Variants in PPP1R37 observed in about 807,000 individuals in gnomAD.
PPP1R37 encodes leucine rich repeat containing 68.
Under a neutral mutation model 61.0 loss-of-function variants are expected in PPP1R37, and 21 were observed. That is an observed-to-expected ratio of 0.34 (90% CI 0.24 to 0.50). The LOEUF is 0.50. Ranked by LOEUF, PPP1R37 falls within the 20% of genes least tolerant of loss-of-function variation. The pLI is 0.98. For synonymous variants in PPP1R37, 443 were observed against 433.5 expected, an observed-to-expected ratio of 1.02 and a Z score of -0.27; for missense variants, 910 against 952.7, an observed-to-expected ratio of 0.96 and a Z score of 0.59.
chr19:45,110,170 C>T (rs971169014), intron 1 of PPP1R37, among the ~76,000 whole-genome samples: 2 of 148,872 alleles, frequency 1.3e-5, no homozygotes, highest in Admixed American at 1.3e-4. Context: ...GGTTGCAGTG[C>T]TGTGGCGTGG....
chr19:45,113,318 G>A (rs1047672461), intron 1 of PPP1R37, among the ~76,000 whole-genome samples: 1 of 152,256 alleles, frequency 6.6e-6, no homozygotes, highest in African/African-American at 2.4e-5. Flanking sequence ...ATTCGTAACA[G>A]GAATCATAAT....
rs1200613166 is a variant in PPP1R37 at position 45,121,366 on chromosome 19, C to T, written c.203-17148C>T. Among the ~76,000 whole-genome samples the T allele has an allele frequency of 1.3e-5, 2 of 152,260 alleles. No homozygotes were observed. The highest frequency in any genetic ancestry group is 4.8e-5 in the African/African-American group (2 of 41,468). ...CCATGGGAGGCAGTGCATGTGTCAG[C>T]CATGGCCCTCGGCTGTAAGCCCAGA... On this transcript the variant is annotated intron_variant, in intron 1 of 12. Transcript: ENST00000221462. This position sits in a 1 kb window ranked among gnomAD's most constrained non-coding sequence, Gnocchi z 4.2.
At chr19:45,093,994 GT>G (rs1415738787) in intron 1 of PPP1R37, among the ~76,000 whole-genome samples, 1 of 152,202 alleles carries the variant, frequency 6.6e-6, no homozygotes, top group Non-Finnish European at 1.5e-5. Flanking sequence ...GAGTGGTCGT[GT>G]TGGCCACTTT....
intron 4 of PPP1R37, 66 bp downstream of exon 4, chr19:45,140,672 G>A: frequency 1.6e-6 from 2 of 1,252,604 alleles, no homozygotes; most frequent in South Asian, 1.3e-5. Context: ...GTTTGGGTGG[G>A]GAGAGGACAC....
chr19:45,126,903 C>T (rs1968412171), intron 1 of PPP1R37, among the ~76,000 whole-genome samples: 1 of 152,232 alleles, frequency 6.6e-6, no homozygotes, highest in South Asian at 2.1e-4. Flanking sequence ...GGCCTGTGGC[C>T]AGGCTGCTCA....
chr19:45,095,021 C>T (rs1315154850), intron 1 of PPP1R37, among the ~76,000 whole-genome samples: 3 of 152,144 alleles, frequency 2.0e-5, no homozygotes, highest in Non-Finnish European at 4.4e-5. Flanking sequence ...ATCAGACTGG[C>T]TGTGGTGGCC....
intron 1 of PPP1R37, among the ~76,000 whole-genome samples, chr19:45,095,461 T>C (rs1424788368): frequency 1.3e-5 from 2 of 148,540 alleles, no homozygotes; most frequent in Non-Finnish European, 2.9e-5. Context: ...AAAGAGGCAG[T>C]GGTTAAATTA....
intron 1 of PPP1R37, among the ~76,000 whole-genome samples, chr19:45,109,744 C>T (rs1385443314): frequency 6.6e-6 from 1 of 152,196 alleles, no homozygotes; most frequent in Non-Finnish European, 1.5e-5. Flanking sequence ...ATGGCCACCA[C>T]GTCATCAGCA....
intron 1 of PPP1R37, among the ~76,000 whole-genome samples, chr19:45,120,370 T>C (rs1382004345): frequency 6.6e-6 from 1 of 152,254 alleles, no homozygotes; most frequent in East Asian, 1.9e-4. Flanking sequence ...TTCTGCACCT[T>C]GCTTTTTTCA....
intron 1 of PPP1R37, among the ~76,000 whole-genome samples, chr19:45,128,228 C>G (rs182636587): frequency 2.6e-5 from 4 of 152,224 alleles, no homozygotes; most frequent in Admixed American, 6.5e-5. Flanking sequence ...CTGGAAGGAT[C>G]TCTGATGGAG....
chr19:45,096,776 TCA>T (rs1179558567), intron 1 of PPP1R37, among the ~76,000 whole-genome samples: 1 of 152,044 alleles, frequency 6.6e-6, no homozygotes, highest in Admixed American at 6.5e-5. Context: ...TGGTTGGGAC[TCA>T]CACTCTCGAG....
chr19:45,144,004 C>T (rs1968649651), intron 8 of PPP1R37: 1 of 160,594 alleles, frequency 6.2e-6, no homozygotes, highest in Non-Finnish European at 1.4e-5. Flanking sequence ...CCCGCCTAGC[C>T]AATTTTTTTA....
intron 1 of PPP1R37, among the ~76,000 whole-genome samples, chr19:45,095,771 AAAAAAAAG>A (rs1385926323): frequency 6.6e-6 from 1 of 151,742 alleles, no homozygotes; most frequent in African/African-American, 2.4e-5. Context: ...AAAAAAAAAA[AAAAAAAAG>A]AGTTTTGGCA....
chr19:45,144,932 G>A lies in PPP1R37; in HGVS notation c.1066G>A (p.Gly356Arg). Residue 356 changes from glycine to arginine, a missense_variant, in exon 9 of 13, where the codon GGG (glycine) becomes AGG (arginine). Physicochemically the swap from Gly to Arg is moderately radical, Grantham distance 125. Coordinates refer to ENST00000221462, the MANE Select transcript of PPP1R37 (RefSeq NM_019121.2). The part of the protein sequence containing the change: ...GNEGVRHLKN[G>R]LISNRSVLRL... Reference sequence around the variant, plus strand: ...CGAGGGTGTGCGGCACCTCAAGAACGGGCTCATCAGCAACCGCAGCGTGCT... The same window carrying A: ...CGAGGGTGTGCGGCACCTCAAGAACAGGCTCATCAGCAACCGCAGCGTGCT... 1.3e-6 allele frequency: 2 copies of A among 1,535,750 alleles called. No homozygotes were observed. Among genetic ancestry groups the A allele is most frequent in the Non-Finnish European group, 1.7e-6 (2 of 1,146,722 alleles).
Position 45,145,542 on chromosome 19 carries a change from G to T in PPP1R37, c.1486G>T (p.Ala496Ser). ...GCCCGCCGCTGGGGTGCAGAACGGG[G>T]CCCCCAGCCCCGCACCCAGCCCGGA... Reference protein sequence around the residue: ...DEPAAGVQNGAPSPAPSPDSD... With the variant: ...DEPAAGVQNGSPSPAPSPDSD... The change falls in exon 11 of 13, where the codon GCC becomes TCC. Residue 496 changes from alanine (A) to serine (S), a missense_variant. By Grantham distance (99) the Ala-to-Ser change is moderately conservative (BLOSUM62 1). Around this residue, in one of 3 missense-constraint regions of PPP1R37, gnomAD observed 549 missense variants for 505.1 expected, o/e 1.09. Coordinates refer to ENST00000221462, the MANE Select transcript of PPP1R37 (RefSeq NM_019121.2). The T allele has an allele frequency of 6.5e-7, 1 of 1,534,730 alleles. No homozygotes were observed. The highest frequency in any genetic ancestry group is 8.7e-7 in the Non-Finnish European group (1 of 1,146,340).
chr19:45,136,431 C>T (rs1461780586), intron 1 of PPP1R37: 1 of 152,226 alleles, frequency 6.6e-6, no homozygotes, highest in Admixed American at 6.5e-5. Context: ...AGTTCGTGGG[C>T]CCTTTGGGGG....
chr19:45,132,823 C>G (rs1968494809), intron 1 of PPP1R37, among the ~76,000 whole-genome samples: 1 of 152,160 alleles, frequency 6.6e-6, no homozygotes, highest in African/African-American at 2.4e-5. Context: ...CCTGCCTTGG[C>G]TTCCCAAAGT....
At chr19:45,141,704 T>C (rs551326801) in intron 5 of PPP1R37, among the ~76,000 whole-genome samples, 2 of 152,294 alleles carry the variant, frequency 1.3e-5, no homozygotes, top group South Asian at 2.1e-4. Context: ...TGTAATGTCA[T>C]CCCCTTGGAG....
At position 45,145,827 on chromosome 19, in the gene PPP1R37, T is replaced by G; in HGVS notation, c.1771T>G (p.Ser591Ala). ...AEPPASPTPP[S>A]PPPPPSPPAS... The stretch of plus-strand genomic sequence containing the variant: ...GCCCCCTGCGTCCCCCACCCCTCCC[T>G]CTCCCCCACCCCCTCCCTCCCCACC... Residue 591 changes from serine (S) to alanine (A), a missense_variant, in exon 11 of 13, where the codon TCT (serine) becomes GCT (alanine). This residue lies in a region of PPP1R37 where 549 missense variants were observed against 505.1 expected (regional missense o/e 1.09). Coordinates refer to ENST00000221462, the MANE Select transcript of PPP1R37 (RefSeq NM_019121.2). The G allele has an allele frequency of 4.5e-6, 1 of 223,838 alleles. No individual in the cohort carries two copies. The highest frequency in any genetic ancestry group is 6.3e-6 in the Non-Finnish European group (1 of 157,784). 13.9% of individuals were successfully genotyped at this position (223,838 alleles called of 1,614,324 possible). A position where few individuals can be genotyped will look rare whatever the true frequency, so the allele number is the denominator to read the frequency against.
Sources: allele counts gnomAD v4.1 joint callset (sites outside exome capture counted in the v4.1 genomes callset), GRCh38; gene constraint gnomAD v4.1.1; regional missense constraint gnomAD v4.1.1; non-coding constraint Gnocchi (gnomAD v3.1); transcripts MANE v1.5; gene names NCBI Gene and HGNC (gene_info 2026-07-23, HGNC 2026-07-21).